Variants in ZNF100 observed in about 807,000 individuals in gnomAD.
ZNF100 encodes the protein zinc finger protein 100 (Y1).
In ZNF100, 12 loss-of-function variants were observed where a neutral mutation model predicts 15.8. That is an observed-to-expected ratio of 0.76 (90% CI 0.49 to 1.23). The LOEUF is 1.23. ZNF100 is among the 50% of genes most tolerant of loss of function. The probability of loss-of-function intolerance (pLI) is 0.00; values close to 1 mark genes in which losing one functional copy is unlikely to be tolerated. For missense variants in ZNF100, 670 were observed against 635.6 expected (o/e 1.05, Z -0.58); for synonymous variants, 226 against 214.8 (o/e 1.05, Z -0.45).
At chr19:21,765,164 C>T (rs1213333430) in intron 2 of ZNF100, among the ~76,000 whole-genome samples, 1 of 152,168 alleles carries the variant, frequency 6.6e-6, no homozygotes, top group East Asian at 1.9e-4. Flanking sequence ...TATTTTTCTA[C>T]CTTTCAAGCC....
intron 2 of ZNF100, among the ~76,000 whole-genome samples, chr19:21,747,518 G>A (rs1057012812): frequency 1.3e-5 from 2 of 151,976 alleles, no homozygotes; most frequent in African/African-American, 2.4e-5. Context: ...TTCATGAATG[G>A]GTGTTTCAAA....
At chr19:21,760,923 T>A (rs2036474013) in intron 2 of ZNF100, among the ~76,000 whole-genome samples, 1 of 150,834 alleles carries the variant, frequency 6.6e-6, no homozygotes, top group African/African-American at 2.4e-5. Context: ...TGTCCCACTA[T>A]TTTTTTTTGT....
intron 4 of ZNF100, 23 bp downstream of exon 4, chr19:21,743,994 C>G: frequency 1.3e-6 from 2 of 1,587,770 alleles, no homozygotes; most frequent in Admixed American, 1.7e-5. Flanking sequence ...TCTGTGTCAT[C>G]TGTTGTGTTC....
intron 2 of ZNF100, among the ~76,000 whole-genome samples, chr19:21,749,561 G>A (rs923437156): frequency 1.6e-4 from 25 of 152,124 alleles, no homozygotes; most frequent in African/African-American, 4.6e-4. Flanking sequence ...CTAGCTTTTG[G>A]GTAAGAAGAA....
Position 21,726,553 on chromosome 19 carries a change from ATG to A in ZNF100, c.*128_*129del, listed in dbSNP as rs2035789139. The stretch of plus-strand genomic sequence containing the variant: ...ATTTCTCTCTAGTATGAATTATCTT[ATG>A]TCTGTTAGGAATTGAGAATTTATTA... On this transcript the variant is annotated 3_prime_UTR_variant, in exon 5 of 5. Coordinates refer to ENST00000358296, the MANE Select transcript of ZNF100 (RefSeq NM_173531.4). The A allele has an allele frequency of 1.2e-6, 1 of 813,328 alleles. No individual in the cohort carries two copies. The highest frequency in any genetic ancestry group is 1.9e-6 in the Non-Finnish European group (1 of 534,070). 50.4% of individuals were successfully genotyped at this position (813,328 alleles called of 1,614,324 possible). A position where few individuals can be genotyped will look rare whatever the true frequency, so the allele number is the denominator to read the frequency against.
intron 2 of ZNF100, among the ~76,000 whole-genome samples, chr19:21,747,254 T>G (rs186462913): frequency 1.3e-5 from 2 of 152,312 alleles, no homozygotes; most frequent in East Asian, 3.9e-4. Context: ...GCCCTCATAC[T>G]TCATTCTGGC....
At chr19:21,749,563 TAAG>T (rs1338066718) in intron 2 of ZNF100, among the ~76,000 whole-genome samples, 2 of 152,174 alleles carry the variant, frequency 1.3e-5, no homozygotes, top group Non-Finnish European at 2.9e-5. Context: ...AGCTTTTGGG[TAAG>T]AAGAAGGACA....
intron 2 of ZNF100, chr19:21,751,060 T>C (rs1393589520): frequency 7.1e-7 from 1 of 1,416,852 alleles, no homozygotes; most frequent in Non-Finnish European, 9.9e-7. Flanking sequence ...CGAGATGCCC[T>C]AAGATTTAGC....
intron 4 of ZNF100, among the ~76,000 whole-genome samples, chr19:21,737,755 A>C (rs942508726): frequency 1.6e-4 from 25 of 152,164 alleles, no homozygotes; most frequent in Non-Finnish European, 3.1e-4. Context: ...CAACCAAAAG[A>C]AGCCCAGGAC....
intron 2 of ZNF100, among the ~76,000 whole-genome samples, chr19:21,753,755 C>T (rs1478249756): frequency 1.3e-5 from 2 of 152,098 alleles, no homozygotes; most frequent in East Asian, 3.9e-4. Flanking sequence ...GCATTGATCA[C>T]CGAAGTTTCT....
intron 2 of ZNF100, among the ~76,000 whole-genome samples, chr19:21,745,831 A>C (rs1303998340): frequency 6.6e-6 from 1 of 152,176 alleles, no homozygotes; most frequent in Non-Finnish European, 1.5e-5. Context: ...CGAGTTTCTG[A>C]ATTTCTAACG....
At chr19:21,765,009 C>T (rs544118887) in intron 2 of ZNF100, among the ~76,000 whole-genome samples, 1 of 152,114 alleles carries the variant, frequency 6.6e-6, no homozygotes, top group African/African-American at 2.4e-5. Context: ...TGAAATCACT[C>T]AGCCATAAAA....
chr19:21,765,506 C>CT (rs558381030), intron 2 of ZNF100, among the ~76,000 whole-genome samples, 188 bp downstream of exon 2: 2 of 152,150 alleles, frequency 1.3e-5, no homozygotes, highest in Admixed American at 1.3e-4. Context: ...AAAATTTTCA[C>CT]TTTTTTTTCC....
chr19:21,731,478 T>C (rs1181622727), intron 4 of ZNF100, among the ~76,000 whole-genome samples: 1 of 151,914 alleles, frequency 6.6e-6, no homozygotes, highest in Non-Finnish European at 1.5e-5. Context: ...CTGGCTAATT[T>C]TTGTATTTTT....
intron 4 of ZNF100, among the ~76,000 whole-genome samples, chr19:21,730,118 ATTAT>A (rs2035886351): frequency 2.0e-5 from 3 of 152,186 alleles, no homozygotes; most frequent in South Asian, 4.1e-4. Flanking sequence ...GTTTCAGAAA[ATTAT>A]TTAAATATAT....
chr19:21,744,741 A>C (rs1212786143), intron 3 of ZNF100, among the ~76,000 whole-genome samples, 200 bp downstream of exon 3: 1 of 152,192 alleles, frequency 6.6e-6, no homozygotes, highest in Non-Finnish European at 1.5e-5. Flanking sequence ...TGAAGGATAC[A>C]GATCAGCTCA....
chr19:21,761,220 A>T (rs1216550907), intron 2 of ZNF100, among the ~76,000 whole-genome samples: 1 of 152,186 alleles, frequency 6.6e-6, no homozygotes, highest in African/African-American at 2.4e-5. Context: ...GAGTCAAAAA[A>T]ACTATTCTTT....
At chr19:21,734,886 A>C (rs142811015) in intron 4 of ZNF100, among the ~76,000 whole-genome samples, 393 of 152,306 alleles carry the variant, frequency 2.6e-3, no homozygotes, top group African/African-American at 8.8e-3. Context: ...AAGCCAGAAG[A>C]CATTGGGGGC....
intron 2 of ZNF100, among the ~76,000 whole-genome samples, chr19:21,759,581 G>A (rs2036447283): frequency 6.6e-6 from 1 of 152,178 alleles, no homozygotes; most frequent in Non-Finnish European, 1.5e-5. Context: ...GATGAGACTG[G>A]AGGTCAGCAC....
Sources: allele counts gnomAD v4.1 joint callset (sites outside exome capture counted in the v4.1 genomes callset), GRCh38; gene constraint gnomAD v4.1.1; transcripts MANE v1.5; gene names NCBI Gene and HGNC (gene_info 2026-07-23, HGNC 2026-07-21).